EEPD1: variants seen among roughly 807,000 people sequenced by gnomAD.
The protein encoded by EEPD1 is endonuclease/exonuclease/phosphatase family domain-containing protein 1.
A neutral mutation model predicts 46.3 loss-of-function variants in EEPD1; 17 were observed. That is an observed-to-expected ratio of 0.37 (90% CI 0.25 to 0.55). The LOEUF is 0.55. Ranked by LOEUF, EEPD1 falls within the 20% of genes least tolerant of loss-of-function variation. The pLI is 0.83. For missense variants in EEPD1, 673 were observed against 745.6 expected (o/e 0.90, Z 1.13); for synonymous variants, 313 against 315.6 (o/e 0.99, Z 0.09).
chr7:36,169,198 A>G (rs1239675153), intron 2 of EEPD1, among the ~76,000 whole-genome samples: 1 of 152,152 alleles, frequency 6.6e-6, no homozygotes, highest in Non-Finnish European at 1.5e-5. Context: ...ACAAGTTTTT[A>G]TGTAGACATA....
In EEPD1 at chr7:36,289,609, C is replaced by T. The variant is rs190052594; in HGVS notation, c.1315+1832C>T. Among the ~76,000 whole-genome samples, 179 of 152,368 alleles carry T rather than the reference C, an allele frequency of 1.2e-3. 1 individual carries two copies. The highest frequency in any genetic ancestry group is 3.4e-3 in the Middle Eastern group (1 of 294). On this transcript the variant is annotated intron_variant, in intron 6 of 7. Transcript: ENST00000242108. Reference sequence around the variant, plus strand: ...TCCCGGGTTCACGCCATTCTCCTGCCTCAGCCTCCCGAGTAGCTGGGACTA... The same window carrying T: ...TCCCGGGTTCACGCCATTCTCCTGCTTCAGCCTCCCGAGTAGCTGGGACTA...
chr7:36,262,647 A>ACAGTGTGTTTAG, intron 3 of EEPD1, among the ~76,000 whole-genome samples: 1 of 152,222 alleles, frequency 6.6e-6, no homozygotes, highest in South Asian at 2.1e-4. Context: ...GGGAGCATGT[A>ACAGTGTGTTTAG]CAGTGTGTTT....
chr7:36,268,447 C>G (rs144151701), intron 3 of EEPD1, among the ~76,000 whole-genome samples: 1 of 152,210 alleles, frequency 6.6e-6, no homozygotes, highest in African/African-American at 2.4e-5. Context: ...GCATGAGCCA[C>G]CTTACCCAGC....
chr7:36,197,277 CCGGGAGGGAGG>C (rs2115692760), intron 2 of EEPD1, among the ~76,000 whole-genome samples: 1 of 145,444 alleles, frequency 6.9e-6, no homozygotes, highest in African/African-American at 2.7e-5. Context: ...GCCGCCCCGT[CCGGGAGGGAGG>C]TGGGGGGGTC....
At chr7:36,281,041 C>G (rs1787251718) in intron 3 of EEPD1, 74 bp from the exon 4 acceptor site, 1 of 1,291,102 alleles carries the variant, frequency 7.7e-7, no homozygotes. Context: ...CAGTGCCTGG[C>G]TTCTCAGGCC....
At chr7:36,172,555 A>G (rs1048597988) in intron 2 of EEPD1, among the ~76,000 whole-genome samples, 1 of 151,662 alleles carries the variant, frequency 6.6e-6, no homozygotes, top group African/African-American at 2.4e-5. Flanking sequence ...GGCTGCATGC[A>G]GCCCAGGATG....
At chr7:36,190,391 A>G (rs941828538) in intron 2 of EEPD1, among the ~76,000 whole-genome samples, 1 of 152,282 alleles carries the variant, frequency 6.6e-6, no homozygotes, top group East Asian at 1.9e-4. Flanking sequence ...AATATAACAC[A>G]TGGTGAGATA....
chr7:36,288,101 C>T lies in EEPD1; in HGVS notation c.1315+324C>T, dbSNP rs78359305. Reference sequence around the variant, plus strand: ...CAGCTCATCCTGGGACCAGCTGCCTCGGGCATCACTCCGGTGGTGCCGCCT... The same window carrying T: ...CAGCTCATCCTGGGACCAGCTGCCTTGGGCATCACTCCGGTGGTGCCGCCT... On this transcript the variant is annotated intron_variant, in intron 6 of 7. Coordinates refer to ENST00000242108, the MANE Select transcript of EEPD1 (RefSeq NM_030636.3). Among the ~76,000 whole-genome samples the T allele has an allele frequency of 2.7e-3, 415 of 152,268 alleles. 1 individual carries two copies. The highest frequency in any genetic ancestry group is 0.027 in the Middle Eastern group (8 of 294).
intron 2 of EEPD1, among the ~76,000 whole-genome samples, chr7:36,227,026 T>C (rs943393526): frequency 9.9e-5 from 15 of 152,016 alleles, no homozygotes; most frequent in Non-Finnish European, 4.4e-5. Flanking sequence ...TTCTCACAGA[T>C]CTAATTTTCA....
chr7:36,296,660 GT>G (rs757983636), intron 6 of EEPD1, among the ~76,000 whole-genome samples: 3 of 124,004 alleles, frequency 2.4e-5, no homozygotes, highest in Non-Finnish European at 3.4e-5. Context: ...AGTATGTTGA[GT>G]TTTTGTTAAA....
At chr7:36,278,398 G>A (rs1787213290) in intron 3 of EEPD1, among the ~76,000 whole-genome samples, 1 of 151,876 alleles carries the variant, frequency 6.6e-6, no homozygotes, top group Admixed American at 6.6e-5. Context: ...AACAATCCTG[G>A]TGGCACCGCT....
chr7:36,294,083 T>C (rs1787487312), intron 6 of EEPD1, among the ~76,000 whole-genome samples: 1 of 151,884 alleles, frequency 6.6e-6, no homozygotes, highest in South Asian at 2.1e-4. Context: ...TGAAAATAAC[T>C]ATGTAAGTAT....
chr7:36,297,842 G>A (rs1226442876), intron 7 of EEPD1, among the ~76,000 whole-genome samples: 1 of 152,226 alleles, frequency 6.6e-6, no homozygotes, highest in Non-Finnish European at 1.5e-5. Flanking sequence ...CAACAATATG[G>A]AAGAGACAGT....
Position 36,299,132 on chromosome 7 carries a change from A to G in EEPD1, c.1636A>G (p.Lys546Glu). Reference protein sequence around the residue: ...AEFYTEKDWSKKDAPRNGSGV... With the variant: ...AEFYTEKDWSEKDAPRNGSGV... ...GTTCTACACTGAAAAGGACTGGAGCAAGAAGGATGCCCCTCGGAACGGCAG... is the reference window on the plus strand; with the variant it reads ...GTTCTACACTGAAAAGGACTGGAGCGAGAAGGATGCCCCTCGGAACGGCAG... Residue 546 changes from lysine (K) to glutamate (E), a missense_variant, in exon 8 of 8, where the codon AAG (lysine) becomes GAG (glutamate). By Grantham distance (56) the Lys-to-Glu change is moderately conservative. Transcript: ENST00000242108. 1 of 1,611,560 alleles carries G rather than the reference A, an allele frequency of 6.2e-7. No homozygotes were observed. Among genetic ancestry groups the G allele is most frequent in the Non-Finnish European group, 8.5e-7 (1 of 1,177,910 alleles).
chr7:36,251,854 G>C (rs1283202050), intron 3 of EEPD1, among the ~76,000 whole-genome samples: 1 of 152,156 alleles, frequency 6.6e-6, no homozygotes, highest in Non-Finnish European at 1.5e-5. Flanking sequence ...TATATGCAAT[G>C]ATTTTTTGGT....
chr7:36,171,189 C>G (rs1178892126), intron 2 of EEPD1, among the ~76,000 whole-genome samples: 1 of 152,224 alleles, frequency 6.6e-6, no homozygotes, highest in African/African-American at 2.4e-5. Context: ...TCCCAAAGTG[C>G]TGAGATTACA....
intron 2 of EEPD1, among the ~76,000 whole-genome samples, chr7:36,220,170 G>A (rs1786120027): frequency 6.6e-6 from 1 of 152,154 alleles, no homozygotes; most frequent in Admixed American, 6.5e-5. Flanking sequence ...AATAATCAAA[G>A]AACAATTCAG....
Position 36,276,659 on chromosome 7 carries a change from G to C in EEPD1, c.931-4456G>C, listed in dbSNP as rs183636989. Among the ~76,000 whole-genome samples, 13 of 152,348 alleles carry C rather than the reference G, an allele frequency of 8.5e-5. No homozygotes were observed. In the East Asian group the frequency reaches 2.5e-3, roughly 29 times the overall value. ...CAGGCCACAGGAATTAAAACTAGGA[G>C]TGCTAAATCAGCAATTGTCTAGCCT... On this transcript the variant is annotated intron_variant, in intron 3 of 7. Transcript: ENST00000242108.
At chr7:36,187,972 A>G (rs923415174) in intron 2 of EEPD1, among the ~76,000 whole-genome samples, 1 of 151,954 alleles carries the variant, frequency 6.6e-6, no homozygotes. Context: ...TAATTTTTCT[A>G]TTTTTAGTAG....
Sources: allele counts gnomAD v4.1 joint callset (sites outside exome capture counted in the v4.1 genomes callset), GRCh38; gene constraint gnomAD v4.1.1; transcripts MANE v1.5; gene names NCBI Gene and HGNC (gene_info 2026-07-23, HGNC 2026-07-21).